AFF3: variants seen among roughly 807,000 people sequenced by gnomAD.
The protein encoded by AFF3 is AF4/FMR2 family member 3.
A neutral mutation model predicts 129.7 loss-of-function variants in AFF3; 32 were observed. The observed-to-expected ratio is 0.25, with a 90% CI of 0.19 to 0.33. The LOEUF is 0.33. Among genes scored for constraint, AFF3 ranks in the 10% least tolerant of loss-of-function variants. The pLI is 1.00. For missense variants in AFF3, 1,373 were observed against 1,592.0 expected (o/e 0.86, Z 2.34); for synonymous variants, 644 against 635.4 (o/e 1.01, Z -0.20).
chr2:99,744,284 C>T (rs1226046317), intron 9 of AFF3, 144 bp from the exon 10 acceptor site: 3 of 635,414 alleles, frequency 4.7e-6, no homozygotes, highest in Non-Finnish European at 8.1e-6. Context: ...GAAACATATA[C>T]ATGAAGGTGG....
Position 99,594,096 on chromosome 2 carries a change from T to G in AFF3, c.1565A>C (p.Glu522Ala). 3 of 1,614,086 alleles carry G rather than the reference T, an allele frequency of 1.9e-6. No homozygotes were observed. The highest frequency in any genetic ancestry group is 1.7e-5 in the Admixed American group (1 of 60,028). ...DVCQPSLREK[E>A]IKSTCKEEQR... The stretch of plus-strand genomic sequence containing the variant: ...CTCCTCCTTGCAAGTGCTCTTGATC[T>G]CCTTCTCTCTCAGGCTGGGCTGGCA... The change falls in exon 15 of 25, where the codon GAG becomes GCG. Residue 522 changes from glutamate (E) to alanine (A), a missense_variant. Physicochemically the swap from Glu to Ala is moderately radical, Grantham distance 107. Around this residue, in one of 9 missense-constraint regions of AFF3, gnomAD observed 413 missense variants for 424.4 expected, o/e 0.97. Coordinates refer to ENST00000672756, the MANE Select transcript of AFF3 (RefSeq NM_001386135.1).
At chr2:100,100,938 C>G (rs1690678954) in intron 4 of AFF3, among the ~76,000 whole-genome samples, 1 of 152,242 alleles carries the variant, frequency 6.6e-6, no homozygotes, top group African/African-American at 2.4e-5. Flanking sequence ...CCCAACTCTT[C>G]AAGACTCTAC....
At chr2:99,756,843 G>T (rs1477739858) in intron 8 of AFF3, among the ~76,000 whole-genome samples, 3 of 152,044 alleles carry the variant, frequency 2.0e-5, no homozygotes, top group Non-Finnish European at 4.4e-5. Flanking sequence ...ATATAATATT[G>T]TGCATGTGTG....
chr2:99,685,370 C>CA (rs1558745403), intron 11 of AFF3, among the ~76,000 whole-genome samples: 1 of 152,158 alleles, frequency 6.6e-6, no homozygotes, highest in African/African-American at 2.4e-5. Context: ...CTCTATACAC[C>CA]AATTACATTC....
intron 8 of AFF3, among the ~76,000 whole-genome samples, chr2:99,792,521 A>C (rs1299750323): frequency 6.6e-6 from 1 of 151,964 alleles, no homozygotes; most frequent in Admixed American, 6.6e-5. Flanking sequence ...AAAAACTCAA[A>C]CAAAATGAAA....
Position 99,738,995 on chromosome 2 carries a change from T to G in AFF3, c.1039+5109A>C, listed in dbSNP as rs376161823. ...TTCTCTCTTTGGTATTAGTTCTCAG[T>G]GAGGAGTGAACTGTTCAATTTTTTT... On this transcript the variant is annotated intron_variant, in intron 10 of 24. Transcript: ENST00000672756. Among the ~76,000 whole-genome samples, 10 of 146,460 alleles carry G rather than the reference T, an allele frequency of 6.8e-5. No homozygotes were observed. The Admixed American group carries it at 7.0e-4, about 10-fold the overall frequency.
chr2:99,750,291 T>C (rs2105189419), intron 9 of AFF3, among the ~76,000 whole-genome samples: 1 of 151,928 alleles, frequency 6.6e-6, no homozygotes, highest in Non-Finnish European at 1.5e-5. Context: ...TAGAAGTAAC[T>C]GGGAAAATGC....
At chr2:99,820,021 C>T (rs953198618) in intron 8 of AFF3, among the ~76,000 whole-genome samples, 2 of 152,192 alleles carry the variant, frequency 1.3e-5, no homozygotes, top group South Asian at 2.1e-4. Context: ...TCCAACATTT[C>T]GAGATGCATT....
At chr2:100,024,159 G>A (rs1395214468) in intron 4 of AFF3, among the ~76,000 whole-genome samples, 2 of 148,344 alleles carry the variant, frequency 1.3e-5, no homozygotes, top group Non-Finnish European at 3.0e-5. Flanking sequence ...GTGAACCCGG[G>A]AGGCGGAGCT....
intron 4 of AFF3, among the ~76,000 whole-genome samples, chr2:100,021,185 A>G (rs1051979558): frequency 1.3e-4 from 20 of 152,172 alleles, no homozygotes; most frequent in Admixed American, 3.9e-4. Context: ...TCTCCCCGAT[A>G]ATGGCACTTC....
intron 7 of AFF3, among the ~76,000 whole-genome samples, chr2:99,919,138 G>A (rs776316801): frequency 2.8e-4 from 42 of 152,074 alleles, no homozygotes; most frequent in Non-Finnish European, 4.7e-4. Flanking sequence ...CCACTGCAAC[G>A]TTTTCCCTCA....
At chr2:99,975,120 T>C (rs1678748419) in intron 7 of AFF3, among the ~76,000 whole-genome samples, 1 of 152,220 alleles carries the variant, frequency 6.6e-6, no homozygotes, top group South Asian at 2.1e-4. Flanking sequence ...ATTAACTTAC[T>C]GTTAGGCCAA....
intron 8 of AFF3, among the ~76,000 whole-genome samples, chr2:99,808,705 C>T (rs1423621305): frequency 6.6e-6 from 1 of 152,042 alleles, no homozygotes; most frequent in Non-Finnish European, 1.5e-5. Context: ...ATTGCAATAA[C>T]TGCATTCTTA....
chr2:100,073,105 G>T (rs1688325422), intron 4 of AFF3, among the ~76,000 whole-genome samples: 1 of 152,168 alleles, frequency 6.6e-6, no homozygotes, highest in South Asian at 2.1e-4. Context: ...GCTGTTACAG[G>T]TTGAATTGTG....
At chr2:99,767,258 C>T (rs1015622172) in intron 8 of AFF3, among the ~76,000 whole-genome samples, 1 of 152,136 alleles carries the variant, frequency 6.6e-6, no homozygotes. Context: ...TGAACAAATA[C>T]ATGTAAACGC....
intron 3 of AFF3, chr2:100,105,115 G>C (rs1412707052): frequency 6.0e-6 from 1 of 167,178 alleles, no homozygotes; most frequent in Admixed American, 6.6e-5. Flanking sequence ...GGGGGATGCG[G>C]AGCCGTGCCC....
chr2:99,826,845 T>C (rs6725716), intron 8 of AFF3, among the ~76,000 whole-genome samples: 133,884 of 152,118 alleles, frequency 0.88, 59,063 homozygotes, highest in African/African-American at 0.95. Flanking sequence ...CTGCCTCCAT[T>C]GTGGAGACTA....
intron 1 of AFF3, among the ~76,000 whole-genome samples, chr2:100,136,615 T>C (rs1397232891): frequency 6.6e-6 from 1 of 152,206 alleles, no homozygotes; most frequent in Non-Finnish European, 1.5e-5. Flanking sequence ...GATCTGTTTA[T>C]CCATTTGGAG....
intron 7 of AFF3, among the ~76,000 whole-genome samples, chr2:99,963,386 A>C (rs948013774): frequency 6.6e-6 from 1 of 152,118 alleles, no homozygotes; most frequent in Admixed American, 6.5e-5. Flanking sequence ...TTGAAGCAAA[A>C]ATTATTGCAG....
Sources: gnomAD v4.1 joint callset for allele counts (sites outside exome capture counted in the v4.1 genomes callset) on GRCh38, gnomAD v4.1.1 for gene constraint, gnomAD v4.1.1 regional missense constraint, MANE v1.5 for transcripts, NCBI Gene and HGNC (gene_info 2026-07-23, HGNC 2026-07-21) for gene names.